Variants in MGAT5 observed in about 807,000 individuals in gnomAD.
MGAT5 encodes alpha-1,6-mannosylglycoprotein 6-beta-N-acetylglucosaminyltransferase.
MGAT5 carries 30 observed loss-of-function variants against 94.3 expected under a neutral mutation model. That is an observed-to-expected ratio of 0.32 (90% CI 0.24 to 0.43). MGAT5 has a LOEUF of 0.43. Ranked by LOEUF, MGAT5 falls within the 20% of genes least tolerant of loss-of-function variation. The pLI, the probability that MGAT5 is intolerant of heterozygous loss-of-function variation, is 1.00. For missense variants in MGAT5, 691 were observed against 905.5 expected (o/e 0.76, Z 3.04); for synonymous variants, 310 against 322.9 (o/e 0.96, Z 0.43).
rs1397247453 is a variant in MGAT5, at chr2:134,449,038, A to G, written c.*191A>G. The G allele has an allele frequency of 5.0e-6, 3 of 604,782 alleles. No individual in the cohort carries two copies. Among genetic ancestry groups the G allele is most frequent in the Non-Finnish European group, 5.8e-6 (2 of 342,778 alleles). 37.5% of individuals were successfully genotyped at this position (604,782 alleles called of 1,614,324 possible). A position where few individuals can be genotyped will look rare whatever the true frequency, so the allele number is the denominator to read the frequency against. The stretch of plus-strand genomic sequence containing the variant: ...GTGGAGTCTTCACCAAAACAAAACA[A>G]GAGCGTATGTCAGGCCAGGAGCCTG... On this transcript the variant is annotated 3_prime_UTR_variant, in exon 16 of 16. Coordinates refer to ENST00000281923, the MANE Select transcript of MGAT5 (RefSeq NM_002410.5).
At chr2:134,269,277 G>C (rs1006380592) in intron 1 of MGAT5, among the ~76,000 whole-genome samples, 1 of 152,178 alleles carries the variant, frequency 6.6e-6, no homozygotes, top group Non-Finnish European at 1.5e-5. Flanking sequence ...GCTGTGATCT[G>C]TGCTGTTTAT....
intron 8 of MGAT5, among the ~76,000 whole-genome samples, chr2:134,347,145 C>T (rs1688967290): frequency 6.6e-6 from 1 of 152,080 alleles, no homozygotes; most frequent in African/African-American, 2.4e-5. Flanking sequence ...TTGCAAAACA[C>T]ACAGATGCAG....
At chr2:134,217,565 C>T (rs986597322) in intron 1 of MGAT5, among the ~76,000 whole-genome samples, 1 of 152,148 alleles carries the variant, frequency 6.6e-6, no homozygotes, top group African/African-American at 2.4e-5. Flanking sequence ...CAGCAATTAA[C>T]CTCAGTAGGA....
intron 10 of MGAT5, among the ~76,000 whole-genome samples, chr2:134,381,220 A>T (rs1476440686): frequency 2.0e-5 from 3 of 152,100 alleles, no homozygotes; most frequent in Non-Finnish European, 4.4e-5. Flanking sequence ...AAGATGAGGT[A>T]AGAGGATTGC....
chr2:134,174,438 C>T (rs1256986827), intron 1 of MGAT5, among the ~76,000 whole-genome samples: 1 of 152,274 alleles, frequency 6.6e-6, no homozygotes, highest in East Asian at 1.9e-4. Context: ...CCATGCGTGG[C>T]TAGTGCCAGT....
At chr2:134,422,945 C>G (rs1407074977) in intron 13 of MGAT5, 26 bp downstream of exon 13, 1 of 1,549,092 alleles carries the variant, frequency 6.5e-7, no homozygotes, top group Non-Finnish European at 8.9e-7. Context: ...TCCACTTTCC[C>G]TCCTTTCTAA....
intron 1 of MGAT5, among the ~76,000 whole-genome samples, chr2:134,247,744 C>T (rs887344777): frequency 6.6e-6 from 1 of 152,176 alleles, no homozygotes; most frequent in African/African-American, 2.4e-5. Flanking sequence ...GAACTTTCTC[C>T]ATGTTATACA....
intron 10 of MGAT5, among the ~76,000 whole-genome samples, chr2:134,371,855 G>C (rs149135509): frequency 3.6e-4 from 54 of 151,790 alleles, no homozygotes; most frequent in African/African-American, 1.2e-3. Context: ...TCTTTGCTAA[G>C]ATGATTTCCA....
chr2:134,172,634 C>T (rs565502885), intron 1 of MGAT5, among the ~76,000 whole-genome samples: 180 of 152,306 alleles, frequency 1.2e-3, no homozygotes, highest in African/African-American at 4.1e-3. Flanking sequence ...GATTCTCCCG[C>T]CTCGACCTCC....
At chr2:134,203,520 T>C (rs901837691) in intron 1 of MGAT5, among the ~76,000 whole-genome samples, 75 of 152,142 alleles carry the variant, frequency 4.9e-4, no homozygotes, top group Middle Eastern at 3.4e-3. Flanking sequence ...GCTCAGGTGA[T>C]GGGACATTCT....
chr2:134,422,995 GTTT>G, intron 13 of MGAT5, 76 bp downstream of exon 13: 1 of 1,062,298 alleles, frequency 9.4e-7, no homozygotes, highest in Non-Finnish European at 1.4e-6. Context: ...ATAGGTCCTT[GTTT>G]TTAGCAAACA....
intron 2 of MGAT5, among the ~76,000 whole-genome samples, chr2:134,288,931 TA>T (rs1685179577): frequency 6.6e-6 from 1 of 152,168 alleles, no homozygotes; most frequent in South Asian, 2.1e-4. Context: ...CACAGCATTG[TA>T]AAACACATTA....
At position 134,453,048 on chromosome 2, in the gene MGAT5, C is replaced by T. The variant is rs964852086; in HGVS notation, c.*4201C>T. ...TAGCACTTAGGGTTTTGTGAGGATT[C>T]AGTGTTTAGCACAGTGCTTGGCACA... On this transcript the variant is annotated 3_prime_UTR_variant, in exon 16 of 16. Transcript: ENST00000281923. 6.6e-6 allele frequency: 1 copy of T among 152,224 alleles called. No homozygotes were observed. The highest frequency in any genetic ancestry group is 2.4e-5 in the African/African-American group (1 of 41,460). The allele number at this position is 152,224 out of a possible 1,614,324, so 9.4% of individuals were successfully genotyped here.
intron 1 of MGAT5, among the ~76,000 whole-genome samples, chr2:134,222,719 C>T (rs371949742): frequency 2.1e-4 from 25 of 120,140 alleles, no homozygotes; most frequent in African/African-American, 6.4e-4. Flanking sequence ...TTTTTTCCTC[C>T]GCAGGACTCC....
chr2:134,238,041 G>T (rs557574735), intron 1 of MGAT5, among the ~76,000 whole-genome samples: 6 of 151,988 alleles, frequency 3.9e-5, no homozygotes, highest in African/African-American at 7.2e-5. Flanking sequence ...GAGCCACTGC[G>T]CCCGGCCTCC....
intron 1 of MGAT5, among the ~76,000 whole-genome samples, chr2:134,180,416 A>T (rs1385387307): frequency 6.6e-6 from 1 of 152,226 alleles, no homozygotes; most frequent in Non-Finnish European, 1.5e-5. Flanking sequence ...GTCAACAGGT[A>T]CCACTGGTTT....
rs143203989 is a variant in MGAT5, at chr2:134,358,019, G to A, written c.1247-4256G>A. Among the ~76,000 whole-genome samples the A allele has an allele frequency of 4.7e-3, 714 of 152,050 alleles. 7 individuals are homozygous for A. The highest frequency in any genetic ancestry group is 0.016 in the African/African-American group (684 of 41,468). Reference sequence around the variant, plus strand: ...GGTTTTATCAGGATCAGCAAAAACGGCATGAATATGATGACAATCAGTATT... The same window carrying A: ...GGTTTTATCAGGATCAGCAAAAACGACATGAATATGATGACAATCAGTATT... On this transcript the variant is annotated intron_variant, in intron 9 of 15. Transcript: ENST00000281923.
chr2:134,410,087 A>G (rs1574040554), intron 11 of MGAT5, among the ~76,000 whole-genome samples: 1 of 152,234 alleles, frequency 6.6e-6, no homozygotes, highest in East Asian at 1.9e-4. Flanking sequence ...ACTTATGTAC[A>G]TTCTTGCAGT....
intron 1 of MGAT5, among the ~76,000 whole-genome samples, chr2:134,264,017 G>GTTTTTTTT (rs763608726): frequency 1.4e-4 from 15 of 108,936 alleles, no homozygotes; most frequent in African/African-American, 4.6e-4. Context: ...ATGCCATTAG[G>GTTTTTTTT]TTTTTTTTTT....
Sources: gnomAD v4.1 joint callset for allele counts (sites outside exome capture counted in the v4.1 genomes callset) on GRCh38, gnomAD v4.1.1 for gene constraint, MANE v1.5 for transcripts, NCBI Gene and HGNC (gene_info 2026-07-23, HGNC 2026-07-21) for gene names.